The following LUZP2 variants were observed in gnomAD, a reference collection of about 807,000 sequenced individuals.
The protein encoded by LUZP2 is leucine zipper protein 2.
Under a neutral mutation model 51.6 loss-of-function variants are expected in LUZP2, and 52 were observed. The observed-to-expected ratio is 1.01, with a 90% confidence interval of 0.81 to 1.27. The LOEUF is 1.27. LUZP2 is among the 50% of genes most tolerant of loss of function. The probability of loss-of-function intolerance (pLI) is 0.00; values close to 1 mark genes in which losing one functional copy is unlikely to be tolerated. For missense variants in LUZP2, 436 were observed against 395.4 expected, an observed-to-expected ratio of 1.10 and a Z score of -0.87; for synonymous variants, 154 against 137.3, an observed-to-expected ratio of 1.12 and a Z score of -0.85.
Position 24,679,302 on chromosome 11 carries a change from G to A in LUZP2, c.63-49867G>A, listed in dbSNP as rs570579377. 2.0e-5 allele frequency among the ~76,000 whole-genome samples: 3 copies of A among 152,204 alleles called. No homozygotes were observed. The East Asian group carries it at 5.8e-4, about 29-fold the overall frequency. ...TGACATGTTAGGTATTCAACACATG[G>A]TTACTTCAAGTGATAAAAACAATAA... On this transcript the variant is annotated intron_variant, in intron 1 of 11. Coordinates refer to ENST00000336930, the MANE Select transcript of LUZP2 (RefSeq NM_001009909.4).
rs545202305 is a variant in LUZP2, at chr11:25,010,493, A to G, written c.765+27200A>G. Among the ~76,000 whole-genome samples the G allele has an allele frequency of 2.6e-5, 4 of 152,224 alleles. No individual in the cohort carries two copies. The East Asian group carries it at 7.7e-4, about 29-fold the overall frequency. On this transcript the variant is annotated intron_variant, in intron 9 of 11. Coordinates refer to ENST00000336930, the MANE Select transcript of LUZP2 (RefSeq NM_001009909.4). The stretch of plus-strand genomic sequence containing the variant: ...AACCAGGGAGGCAGAGGTTACAGTG[A>G]GCCAAGATCACACCAATGCACTCCA...
At chr11:25,072,262 T>C (rs1253183470) in intron 10 of LUZP2, among the ~76,000 whole-genome samples, 3 of 152,098 alleles carry the variant, frequency 2.0e-5, no homozygotes, top group South Asian at 2.1e-4. Flanking sequence ...TAATATGTTC[T>C]TGTTTATGTA....
chr11:24,898,514 G>A (rs1028453955), intron 5 of LUZP2, among the ~76,000 whole-genome samples: 5 of 152,054 alleles, frequency 3.3e-5, no homozygotes, highest in Non-Finnish European at 5.9e-5. Flanking sequence ...GTCCCGCTAC[G>A]CGGGAGCCTG....
chr11:24,504,341 G>T (rs1462397074), intron 1 of LUZP2, among the ~76,000 whole-genome samples: 2 of 152,024 alleles, frequency 1.3e-5, no homozygotes, highest in Non-Finnish European at 2.9e-5. Context: ...ATTTTCTTTG[G>T]TTTACATTTC....
intron 5 of LUZP2, among the ~76,000 whole-genome samples, chr11:24,824,433 T>C (rs1267214500): frequency 4.5e-5 from 6 of 133,244 alleles, no homozygotes; most frequent in African/African-American, 1.7e-4. Flanking sequence ...ACCTTGGAGG[T>C]ATTTCTGTTA....
intron 7 of LUZP2, among the ~76,000 whole-genome samples, chr11:24,933,875 G>A (rs1854523462): frequency 2.0e-5 from 3 of 152,068 alleles, no homozygotes; most frequent in African/African-American, 7.2e-5. Context: ...GTGGAGTTAG[G>A]AGCAATTTTC....
chr11:24,845,925 A>G (rs1851185028), intron 5 of LUZP2, among the ~76,000 whole-genome samples: 1 of 152,154 alleles, frequency 6.6e-6, no homozygotes, highest in Admixed American at 6.5e-5. Context: ...AAGAGGGAAA[A>G]TAAAGCTACT....
intron 7 of LUZP2, among the ~76,000 whole-genome samples, chr11:24,950,157 T>G (rs1426805687): frequency 6.6e-6 from 1 of 151,076 alleles, no homozygotes; most frequent in Non-Finnish European, 1.5e-5. Context: ...TATAGGGTAG[T>G]GAGTAGACAG....
At chr11:24,931,382 T>A (rs970295526) in intron 7 of LUZP2, among the ~76,000 whole-genome samples, 1 of 152,140 alleles carries the variant, frequency 6.6e-6, no homozygotes. Context: ...AGGGATGGGT[T>A]GCCCCTCCAC....
intron 1 of LUZP2, among the ~76,000 whole-genome samples, chr11:24,614,395 G>A (rs745807002): frequency 6.6e-5 from 10 of 151,806 alleles, no homozygotes; most frequent in African/African-American, 2.2e-4. Context: ...CTTGAGCCAC[G>A]TATAATCTTC....
chr11:24,590,558 TA>T (rs879673487), intron 1 of LUZP2, among the ~76,000 whole-genome samples: 11 of 152,188 alleles, frequency 7.2e-5, no homozygotes, highest in Non-Finnish European at 1.5e-4. Context: ...AGATAAAGTA[TA>T]ATGACTAATA....
intron 7 of LUZP2, among the ~76,000 whole-genome samples, chr11:24,967,107 T>A (rs1241400034): frequency 6.6e-6 from 1 of 151,776 alleles, no homozygotes; most frequent in Non-Finnish European, 1.5e-5. Context: ...AACAACACAC[T>A]GCTATTAATA....
In LUZP2 at chr11:24,654,924, T is replaced by G. The variant is rs1340564117; in HGVS notation, c.63-74245T>G. 2.6e-5 allele frequency among the ~76,000 whole-genome samples: 4 copies of G among 152,256 alleles called. No individual in the cohort carries two copies. The East Asian group carries it at 7.7e-4, about 29-fold the overall frequency. ...TAAAGATGTTCCTTGGCATTTACCC[T>G]ATTTTTTTCTCATTTTGTTTGGATA... On this transcript the variant is annotated intron_variant, in intron 1 of 11. Transcript: ENST00000336930.
intron 1 of LUZP2, among the ~76,000 whole-genome samples, chr11:24,558,806 T>C (rs1431436658): frequency 6.6e-6 from 1 of 152,182 alleles, no homozygotes; most frequent in Non-Finnish European, 1.5e-5. Context: ...TTTTGTCCTT[T>C]TGCCATGTAA....
chr11:24,693,820 T>C (rs542016340), intron 1 of LUZP2, among the ~76,000 whole-genome samples: 11 of 151,870 alleles, frequency 7.2e-5, no homozygotes, highest in African/African-American at 2.7e-4. Flanking sequence ...ATGAAAGAGG[T>C]GTACAGATGG....
At chr11:24,994,445 G>A (rs904698970) in intron 9 of LUZP2, among the ~76,000 whole-genome samples, 2 of 152,140 alleles carry the variant, frequency 1.3e-5, no homozygotes, top group Non-Finnish European at 2.9e-5. Flanking sequence ...AGTTGATCAT[G>A]ATGCAAGGGA....
intron 1 of LUZP2, among the ~76,000 whole-genome samples, chr11:24,599,225 A>T (rs1853543440): frequency 6.6e-6 from 1 of 152,144 alleles, no homozygotes; most frequent in Non-Finnish European, 1.5e-5. Context: ...AAGAGATTCT[A>T]AAGAGAAACT....
chr11:25,032,325 C>G (rs1857712995), intron 9 of LUZP2, among the ~76,000 whole-genome samples: 1 of 152,150 alleles, frequency 6.6e-6, no homozygotes, highest in Non-Finnish European at 1.5e-5. Context: ...CAGTAGGAAA[C>G]TAATAACGCT....
At chr11:24,631,920 T>G (rs959120142) in intron 1 of LUZP2, among the ~76,000 whole-genome samples, 5 of 152,020 alleles carry the variant, frequency 3.3e-5, no homozygotes, top group African/African-American at 4.8e-5. Flanking sequence ...AAAGAGGGCA[T>G]ATGAATATAA....
Sources: gnomAD v4.1 joint callset for allele counts (sites outside exome capture counted in the v4.1 genomes callset) on GRCh38, gnomAD v4.1.1 for gene constraint, MANE v1.5 for transcripts, NCBI Gene and HGNC (gene_info 2026-07-23, HGNC 2026-07-21) for gene names.